The following MAPK10 variants were observed in gnomAD, a reference collection of about 807,000 sequenced individuals.
The protein encoded by MAPK10 is JNK3 alpha protein kinase.
A neutral mutation model predicts 59.3 loss-of-function variants in MAPK10; 25 were observed. That is an observed-to-expected ratio of 0.42 (90% CI 0.31 to 0.59). MAPK10 has a LOEUF of 0.59. Ranked by LOEUF, MAPK10 falls within the 20% of genes least tolerant of loss-of-function variation. The pLI, the probability that MAPK10 is intolerant of heterozygous loss-of-function variation, is 0.15. For synonymous variants in MAPK10, 190 were observed against 200.5 expected (o/e 0.95, Z 0.44); for missense variants, 351 against 568.9 (o/e 0.62, Z 3.90).
At chr4:86,494,842 CAAAAAAAAAAAAAAAAAAAAAAA>C (rs567947232) in intron 1 of MAPK10, among the ~76,000 whole-genome samples, 7 of 23,968 alleles carry the variant, frequency 2.9e-4, no homozygotes, top group Admixed American at 2.1e-3. Flanking sequence ...GACTCCGTCT[CAAAAAAAAAAAAAAAAAAAAAAA>C]AAAAAAAAAA....
At chr4:86,233,982 C>T (rs200027825) in intron 2 of MAPK10, among the ~76,000 whole-genome samples, 3 of 152,140 alleles carry the variant, frequency 2.0e-5, no homozygotes, top group Admixed American at 6.6e-5. Context: ...TTGCCAAAGG[C>T]CTTTTCTTCA....
Position 86,267,022 on chromosome 4 carries a change from G to T in MAPK10, c.-6-72615C>A, listed in dbSNP as rs977323301. Among the ~76,000 whole-genome samples the T allele has an allele frequency of 2.8e-4, 43 of 152,234 alleles. 1 individual carries two copies. Among genetic ancestry groups the T allele is most frequent in the African/African-American group, 1.0e-3 (43 of 41,552 alleles). Reference sequence around the variant, plus strand: ...CCAGATTTATTTCAGGAGCCAAGCTGTATGAATCATTTTGGTCTCCAGCAC... The same window carrying T: ...CCAGATTTATTTCAGGAGCCAAGCTTTATGAATCATTTTGGTCTCCAGCAC... On this transcript the variant is annotated intron_variant, in intron 2 of 13. Transcript: ENST00000641462.
chr4:86,376,406 T>C (rs768790613), intron 1 of MAPK10, among the ~76,000 whole-genome samples: 1 of 152,106 alleles, frequency 6.6e-6, no homozygotes, highest in African/African-American at 2.4e-5. Flanking sequence ...GTAAAACCCA[T>C]AAAAAGTTTC....
At chr4:86,535,640 CT>C (rs149782020) in intron 1 of MAPK10, among the ~76,000 whole-genome samples, 7,130 of 152,020 alleles carry the variant, frequency 0.047, 222 homozygotes, top group African/African-American at 0.059. Context: ...AATGAGTGTA[CT>C]TTTTTTTGTT....
intron 4 of MAPK10, among the ~76,000 whole-genome samples, chr4:86,132,350 A>AT (rs1255679988): frequency 1.3e-5 from 2 of 152,190 alleles, no homozygotes; most frequent in East Asian, 1.9e-4. Flanking sequence ...AACTGAACAC[A>AT]TTTTTTTGTA....
intron 2 of MAPK10, among the ~76,000 whole-genome samples, chr4:86,201,485 A>C (rs1489636624): frequency 6.6e-6 from 1 of 151,810 alleles, no homozygotes; most frequent in African/African-American, 2.4e-5. Flanking sequence ...TTCCTTGGTG[A>C]AGTGCTTTTC....
At chr4:86,396,119 G>T (rs926422208) in intron 1 of MAPK10, among the ~76,000 whole-genome samples, 8 of 152,234 alleles carry the variant, frequency 5.3e-5, no homozygotes, top group Non-Finnish European at 1.2e-4. Flanking sequence ...GCCGAGGCGG[G>T]TGGATCACCT....
chr4:86,401,243 T>C (rs1415678311), intron 1 of MAPK10, among the ~76,000 whole-genome samples: 4 of 152,164 alleles, frequency 2.6e-5, no homozygotes, highest in Non-Finnish European at 5.9e-5. Flanking sequence ...ATATATTCTG[T>C]TCTACGTTAG....
chr4:86,314,813 T>C (rs904819736), intron 2 of MAPK10, among the ~76,000 whole-genome samples: 2 of 152,106 alleles, frequency 1.3e-5, no homozygotes, highest in African/African-American at 4.8e-5. Flanking sequence ...AGGGAATATA[T>C]TGATATGCAT....
chr4:86,367,501 A>G (rs1167477052), intron 1 of MAPK10, among the ~76,000 whole-genome samples: 1 of 152,176 alleles, frequency 6.6e-6, no homozygotes, highest in East Asian at 1.9e-4. Flanking sequence ...TATTACACGT[A>G]CTACAGTGAG....
At chr4:86,090,891 T>C (rs2052990728) in intron 9 of MAPK10, 1 of 152,130 alleles carries the variant, frequency 6.6e-6, no homozygotes, top group Non-Finnish European at 1.5e-5. Context: ...TTAGGAAACA[T>C]CTATTTCTAT....
chr4:86,536,110 G>C (rs778139694), intron 1 of MAPK10, among the ~76,000 whole-genome samples: 1 of 152,182 alleles, frequency 6.6e-6, no homozygotes, highest in African/African-American at 2.4e-5. Context: ...AAAATGGGGA[G>C]ACAGTCTGGC....
At chr4:86,250,249 G>A (rs6845742) in intron 2 of MAPK10, among the ~76,000 whole-genome samples, 49,699 of 151,802 alleles carry the variant, frequency 0.33, 11,021 homozygotes, top group African/African-American at 0.64. Context: ...GGGCAAGAAA[G>A]GGTTTTGAAA....
chr4:86,478,314 T>C (rs1753290692), intron 1 of MAPK10, among the ~76,000 whole-genome samples: 1 of 152,124 alleles, frequency 6.6e-6, no homozygotes, highest in African/African-American at 2.4e-5. Context: ...CCCTTTTCAT[T>C]ACCCACAGCC....
chr4:86,335,553 C>T (rs980590085), intron 2 of MAPK10, among the ~76,000 whole-genome samples: 2 of 151,886 alleles, frequency 1.3e-5, no homozygotes, highest in Non-Finnish European at 1.5e-5. Flanking sequence ...TCTTCTCTTA[C>T]TCCTTTCTTT....
chr4:86,178,819 A>C (rs1333947133), intron 3 of MAPK10, among the ~76,000 whole-genome samples: 1 of 152,230 alleles, frequency 6.6e-6, no homozygotes, highest in Non-Finnish European at 1.5e-5. Flanking sequence ...AGAAGTAACA[A>C]AACAAATTCA....
chr4:86,381,677 G>A (rs1364949622), intron 1 of MAPK10, among the ~76,000 whole-genome samples: 2 of 152,182 alleles, frequency 1.3e-5, no homozygotes, highest in African/African-American at 4.8e-5. Flanking sequence ...CCCCACACAG[G>A]CTGTCTTCTG....
intron 4 of MAPK10, among the ~76,000 whole-genome samples, chr4:86,116,040 G>C (rs1026621839): frequency 6.6e-6 from 1 of 152,188 alleles, no homozygotes; most frequent in Admixed American, 6.5e-5. Context: ...CTAAAGTTAA[G>C]TCATTGTATT....
chr4:86,077,900 G>C (rs1218892989), intron 9 of MAPK10, among the ~76,000 whole-genome samples: 1 of 152,206 alleles, frequency 6.6e-6, no homozygotes, highest in Non-Finnish European at 1.5e-5. Context: ...TCGTAGGAAA[G>C]AATTTTGTGA....
Sources: allele counts gnomAD v4.1 joint callset (sites outside exome capture counted in the v4.1 genomes callset), GRCh38; gene constraint gnomAD v4.1.1; transcripts MANE v1.5; gene names NCBI Gene and HGNC (gene_info 2026-07-23, HGNC 2026-07-21).